Variants in LRRC7 observed in about 807,000 individuals in gnomAD.
LRRC7 encodes the protein leucine rich repeat containing 7.
Under a neutral mutation model 175.7 loss-of-function variants are expected in LRRC7, and 23 were observed. The ratio of observed to expected loss-of-function variants is 0.13; its 90% confidence interval spans 0.09 to 0.19. LRRC7 has a LOEUF of 0.19. Ranked by LOEUF, LRRC7 falls within the 10% of genes least tolerant of loss-of-function variation. The pLI, the probability that LRRC7 is intolerant of heterozygous loss-of-function variation, is 1.00. For synonymous variants in LRRC7, 685 were observed against 680.9 expected, an observed-to-expected ratio of 1.01 and a Z score of -0.09; for missense variants, 1,354 against 1,904.7, an observed-to-expected ratio of 0.71 and a Z score of 5.38.
chr1:70,099,452 G>C (rs182797966), intron 25 of LRRC7, among the ~76,000 whole-genome samples: 4,798 of 148,432 alleles, frequency 0.032, 147 homozygotes, highest in East Asian at 0.14. Context: ...ATTCAACATA[G>C]TGTTGGAAGT....
chr1:70,087,090 A>ACAGTGT (rs1663672143), intron 24 of LRRC7, among the ~76,000 whole-genome samples: 1 of 152,224 alleles, frequency 6.6e-6, no homozygotes, highest in African/African-American at 2.4e-5. Context: ...TTATAAAACT[A>ACAGTGT]CAGTGTCATC....
chr1:69,880,185 C>G (rs12739765), intron 7 of LRRC7, among the ~76,000 whole-genome samples: 62,023 of 151,852 alleles, frequency 0.41, 13,495 homozygotes, highest in East Asian at 0.55. Flanking sequence ...TTCCTCCTTT[C>G]CCACTTAGCT....
At chr1:69,974,804 T>C (rs545386523) in intron 8 of LRRC7, among the ~76,000 whole-genome samples, 4 of 152,318 alleles carry the variant, frequency 2.6e-5, no homozygotes, top group Admixed American at 2.6e-4. Context: ...AATATCTTTT[T>C]TTAGAAATCA....
rs1659635934 is a variant in LRRC7, at chr1:70,039,221, G to C, written c.3397G>C (p.Glu1133Gln). Residue 1133 changes from glutamate to glutamine, a missense_variant, in exon 21 of 27, where the codon GAG becomes CAG. Physicochemically the swap from Glu to Gln is conservative, Grantham distance 29. Around this residue, in one of 4 missense-constraint regions of LRRC7, gnomAD observed 1,032 missense variants for 1,227.2 expected, o/e 0.84. Coordinates refer to ENST00000651989, the MANE Select transcript of LRRC7 (RefSeq NM_001370785.2). The part of the protein sequence containing the change: ...MFSFSQPSVN[E>Q]DAVVNAQFAS... ...TTCATTTTCTCAGCCATCTGTGAAT[G>C]AGGATGCTGTGGTGAATGCCCAGTT... 6.2e-7 allele frequency: 1 copy of C among 1,613,916 alleles called. No homozygotes were observed. The highest frequency in any genetic ancestry group is 8.5e-7 in the Non-Finnish European group (1 of 1,180,016).
In LRRC7 at chr1:69,677,697, A is replaced by G. The variant is rs1007383585; in HGVS notation, c.3-684A>G. Among the ~76,000 whole-genome samples the G allele has an allele frequency of 1.5e-4, 23 of 151,986 alleles. 1 individual carries two copies. The highest frequency in any genetic ancestry group is 1.5e-3 in the Admixed American group (23 of 15,224). The stretch of plus-strand genomic sequence containing the variant: ...CTTTTTCTTTCTGAATGATGACCTT[A>G]GTTTTTTAAATTTATTTACTTTGCA... On this transcript the variant is annotated intron_variant, in intron 1 of 26. Coordinates refer to ENST00000651989, the MANE Select transcript of LRRC7 (RefSeq NM_001370785.2).
chr1:69,803,623 A>G (rs1287670993), intron 4 of LRRC7, among the ~76,000 whole-genome samples: 1 of 151,462 alleles, frequency 6.6e-6, no homozygotes, highest in East Asian at 1.9e-4. Context: ...TGTAAGTTCT[A>G]ATATGCAACC....
chr1:69,777,903 C>A (rs1672997473), intron 3 of LRRC7, among the ~76,000 whole-genome samples: 1 of 152,036 alleles, frequency 6.6e-6, no homozygotes, highest in Non-Finnish European at 1.5e-5. Flanking sequence ...TAAATATGAC[C>A]AGACTGTAAC....
chr1:69,676,470 C>T (rs763402573), intron 1 of LRRC7, among the ~76,000 whole-genome samples: 4 of 151,994 alleles, frequency 2.6e-5, no homozygotes, highest in African/African-American at 4.8e-5. Context: ...AAATCCTGAG[C>T]ATTCAATTTT....
chr1:70,079,281 C>T (rs1045277251), intron 24 of LRRC7, among the ~76,000 whole-genome samples: 1 of 152,082 alleles, frequency 6.6e-6, no homozygotes, highest in East Asian at 1.9e-4. Context: ...AGATTTGGGG[C>T]ATATAAATCA....
chr1:69,808,781 A>G (rs1372026223), intron 4 of LRRC7, among the ~76,000 whole-genome samples: 1 of 152,214 alleles, frequency 6.6e-6, no homozygotes, highest in Non-Finnish European at 1.5e-5. Context: ...AGGGAAATTT[A>G]TAGCACTAAA....
At chr1:69,746,011 T>A (rs766845372) in intron 2 of LRRC7, among the ~76,000 whole-genome samples, 20 of 151,910 alleles carry the variant, frequency 1.3e-4, no homozygotes, top group Admixed American at 4.0e-4. Flanking sequence ...TTTTTGCCTC[T>A]GTGCCAGTGT....
intron 3 of LRRC7, 72 bp downstream of exon 3, chr1:69,760,465 G>A (rs1670917310): frequency 9.1e-6 from 12 of 1,320,318 alleles, no homozygotes; most frequent in Middle Eastern, 1.9e-4. Context: ...TATTATAATG[G>A]TAATGTGAAC....
rs560144350 is a variant in LRRC7, at chr1:69,591,027, T to G, written c.2+22386T>G. On this transcript the variant is annotated intron_variant, in intron 1 of 26. Coordinates refer to ENST00000651989, the MANE Select transcript of LRRC7 (RefSeq NM_001370785.2). ...AACTGTTTTTTAAATATAGAATACC[T>G]TAGCTACACATAAAGTTTAATTTTC... Among the ~76,000 whole-genome samples the G allele has an allele frequency of 5.3e-5, 8 of 152,214 alleles. No homozygotes were observed. In the South Asian group the frequency reaches 1.2e-3, roughly 24 times the overall value.
At chr1:69,589,965 A>G (rs898117083) in intron 1 of LRRC7, among the ~76,000 whole-genome samples, 3 of 152,160 alleles carry the variant, frequency 2.0e-5, no homozygotes, top group African/African-American at 7.2e-5. Flanking sequence ...TAAACACTCT[A>G]TTTTGAAATT....
chr1:69,928,548 G>A (rs1222411791), intron 7 of LRRC7, among the ~76,000 whole-genome samples: 3 of 152,240 alleles, frequency 2.0e-5, no homozygotes, highest in African/African-American at 7.2e-5. Flanking sequence ...CCGCCTTGCA[G>A]TTTGATCTCA....
chr1:69,767,465 A>AT, intron 3 of LRRC7, among the ~76,000 whole-genome samples: 1 of 151,916 alleles, frequency 6.6e-6, no homozygotes, highest in East Asian at 1.9e-4. Context: ...TTATTTATTT[A>AT]TTTTTTAAAA....
At chr1:69,753,413 C>G (rs1670064788) in intron 2 of LRRC7, among the ~76,000 whole-genome samples, 2 of 151,580 alleles carry the variant, frequency 1.3e-5, no homozygotes, top group Admixed American at 1.3e-4. Flanking sequence ...AGTCGGCTAA[C>G]AGGAAAATCA....
intron 3 of LRRC7, among the ~76,000 whole-genome samples, chr1:69,775,065 A>G (rs765951017): frequency 2.6e-5 from 4 of 152,200 alleles, no homozygotes; most frequent in South Asian, 2.1e-4. Context: ...AGAGAAAAAC[A>G]CAGGGATTAG....
intron 1 of LRRC7, among the ~76,000 whole-genome samples, chr1:69,591,609 C>T (rs952960249): frequency 6.6e-6 from 1 of 151,966 alleles, no homozygotes; most frequent in African/African-American, 2.4e-5. Context: ...TATGGTTCCA[C>T]AGTTTTACAT....
Sources: allele counts gnomAD v4.1 joint callset (sites outside exome capture counted in the v4.1 genomes callset), GRCh38; gene constraint gnomAD v4.1.1; regional missense constraint gnomAD v4.1.1; transcripts MANE v1.5; gene names NCBI Gene and HGNC (gene_info 2026-07-23, HGNC 2026-07-21).